Variants in PPHLN1 observed in about 807,000 individuals in gnomAD.
The protein encoded by PPHLN1 is periphilin-1.
In PPHLN1, 29 loss-of-function variants were observed where a neutral mutation model predicts 51.3. The observed-to-expected ratio is 0.57, with a 90% confidence interval of 0.42 to 0.77. The LOEUF (loss-of-function observed/expected upper bound fraction) is 0.77. Among genes scored for constraint, PPHLN1 ranks in the 30% least tolerant of loss-of-function variants. The pLI is 0.00. For missense variants in PPHLN1, 436 were observed against 438.4 expected, an observed-to-expected ratio of 0.99 and a Z score of 0.05; for synonymous variants, 147 against 147.8, an observed-to-expected ratio of 0.99 and a Z score of 0.04.
chr12:42,349,924 A>G (rs1259067891), intron 2 of PPHLN1, among the ~76,000 whole-genome samples: 1 of 151,940 alleles, frequency 6.6e-6, no homozygotes, highest in South Asian at 2.1e-4. Context: ...TGTTGGGTAC[A>G]CCTCCCAGAC....
intron 9 of PPHLN1, among the ~76,000 whole-genome samples, chr12:42,434,166 G>A (rs2139903348): frequency 6.6e-6 from 1 of 152,138 alleles, no homozygotes; most frequent in Non-Finnish European, 1.5e-5. Flanking sequence ...ATTTTCCTTA[G>A]CAAACTAACA....
At chr12:42,399,298 A>G (rs374596422) in intron 9 of PPHLN1, 5 of 888,010 alleles carry the variant, frequency 5.6e-6, no homozygotes, top group East Asian at 9.3e-5. Flanking sequence ...GAAATGTTCA[A>G]TGTAGCAAAA....
intron 9 of PPHLN1, among the ~76,000 whole-genome samples, chr12:42,410,545 C>G (rs2079719518): frequency 6.6e-6 from 1 of 152,196 alleles, no homozygotes; most frequent in African/African-American, 2.4e-5. Flanking sequence ...CGTAGACTTG[C>G]TGTAAATGTT....
chr12:42,442,656 C>G, downstream of PPHLN1: 1 of 1,614,144 alleles, frequency 6.2e-7, no homozygotes, highest in South Asian at 1.1e-5. Context: ...GCAGGACAGA[C>G]TTGGCAGCAG....
chr12:42,410,852 A>G (rs773175824), intron 9 of PPHLN1, among the ~76,000 whole-genome samples: 20 of 152,250 alleles, frequency 1.3e-4, no homozygotes, highest in Non-Finnish European at 2.4e-4. Context: ...ATGTATTCTC[A>G]TTAGATCTTT....
chr12:42,422,991 G>A (rs545314763), intron 9 of PPHLN1, among the ~76,000 whole-genome samples: 1 of 152,282 alleles, frequency 6.6e-6, no homozygotes, highest in East Asian at 1.9e-4. Context: ...AGCATAAAGT[G>A]GAAGTAGCAA....
At chr12:42,421,779 T>G (rs976662702) in intron 9 of PPHLN1, among the ~76,000 whole-genome samples, 2 of 152,146 alleles carry the variant, frequency 1.3e-5, no homozygotes, top group African/African-American at 4.8e-5. Flanking sequence ...TGAGAAAGTT[T>G]TAGTAGCTAA....
chr12:42,421,382 T>G (rs1422503947), intron 9 of PPHLN1, among the ~76,000 whole-genome samples: 1 of 152,198 alleles, frequency 6.6e-6, no homozygotes. Context: ...AGTTTTGCTC[T>G]GTTGCCCAGG....
chr12:42,347,894 C>A (rs948504062), intron 2 of PPHLN1, among the ~76,000 whole-genome samples: 2 of 152,132 alleles, frequency 1.3e-5, no homozygotes, highest in African/African-American at 4.8e-5. Flanking sequence ...AAAATACAGT[C>A]CTCTTTGCTA....
At chr12:42,380,261 ATACTTT>A (rs2076642243) in intron 5 of PPHLN1, among the ~76,000 whole-genome samples, 2 of 152,170 alleles carry the variant, frequency 1.3e-5, no homozygotes, top group Non-Finnish European at 2.9e-5. Context: ...GAATTTTAAA[ATACTTT>A]TACTTTGCAA....
At chr12:42,339,020 A>G (rs1218039611) in intron 2 of PPHLN1, among the ~76,000 whole-genome samples, 1 of 152,256 alleles carries the variant, frequency 6.6e-6, no homozygotes, top group Non-Finnish European at 1.5e-5. Context: ...GTTTGTGTAA[A>G]TATGAAACAG....
At chr12:42,349,790 C>T (rs1461202762) in intron 2 of PPHLN1, among the ~76,000 whole-genome samples, 1 of 152,128 alleles carries the variant, frequency 6.6e-6, no homozygotes, top group East Asian at 1.9e-4. Context: ...AAAATGGAGT[C>T]TCCTACGTCT....
At chr12:42,330,961 G>A (rs1232742754) in intron 1 of PPHLN1, among the ~76,000 whole-genome samples, 5 of 152,248 alleles carry the variant, frequency 3.3e-5, no homozygotes, top group South Asian at 2.1e-4. Flanking sequence ...CGCGCGCCTC[G>A]GCCTCCCAAA....
intron 2 of PPHLN1, among the ~76,000 whole-genome samples, chr12:42,337,774 T>TTATTTTATTTTATTG (rs1452931731): frequency 2.1e-5 from 3 of 142,464 alleles, no homozygotes; most frequent in African/African-American, 7.9e-5. Flanking sequence ...TTATTTTATT[T>TTATTTTATTTTATTG]TATTTTATTT....
intron 8 of PPHLN1, among the ~76,000 whole-genome samples, chr12:42,396,374 GT>G (rs1341638107): frequency 6.6e-6 from 1 of 151,914 alleles, no homozygotes; most frequent in African/African-American, 2.4e-5. Flanking sequence ...ATCCACTTGT[GT>G]CAGACATTGC....
intron 4 of PPHLN1, among the ~76,000 whole-genome samples, chr12:42,366,858 A>G (rs2075324481): frequency 6.6e-6 from 1 of 152,230 alleles, no homozygotes; most frequent in African/African-American, 2.4e-5. Flanking sequence ...ACTCTGGCCC[A>G]TAAATCAAGG....
At chr12:42,433,631 T>G (rs2082237705) in intron 9 of PPHLN1, among the ~76,000 whole-genome samples, 1 of 152,236 alleles carries the variant, frequency 6.6e-6, no homozygotes, top group South Asian at 2.1e-4. Context: ...CCACACTGTA[T>G]TCTTAAAGTA....
At chr12:42,382,726 G>T (rs565309564) in intron 5 of PPHLN1, among the ~76,000 whole-genome samples, 1 of 152,234 alleles carries the variant, frequency 6.6e-6, no homozygotes, top group Admixed American at 6.5e-5. Flanking sequence ...CAACAAAAAC[G>T]AAAGAGGAAG....
At chr12:42,386,053 A>C (rs2077166074) in intron 6 of PPHLN1, among the ~76,000 whole-genome samples, 1 of 152,236 alleles carries the variant, frequency 6.6e-6, no homozygotes, top group South Asian at 2.1e-4. Flanking sequence ...GTAGTACCAC[A>C]AGTTAAAAGA....
Sources: gnomAD v4.1 joint callset for allele counts (sites outside exome capture counted in the v4.1 genomes callset) on GRCh38, gnomAD v4.1.1 for gene constraint, MANE v1.5 for transcripts, NCBI Gene and HGNC (gene_info 2026-07-23, HGNC 2026-07-21) for gene names.